THRAP3: variants seen among roughly 807,000 people sequenced by gnomAD.
The protein encoded by THRAP3 is thyroid hormone receptor associated protein 3.
THRAP3 carries 16 observed loss-of-function variants against 101.0 expected under a neutral mutation model. The ratio of observed to expected loss-of-function variants is 0.16; its 90% CI spans 0.11 to 0.24. THRAP3 has a LOEUF of 0.24. Among genes scored for constraint, THRAP3 ranks in the 10% least tolerant of loss-of-function variants. THRAP3 has a pLI of 1.00. For missense variants in THRAP3, 989 were observed against 1,202.7 expected, an observed-to-expected ratio of 0.82 and a Z score of 2.63; for synonymous variants, 407 against 422.6, an observed-to-expected ratio of 0.96 and a Z score of 0.45.
chr1:36,281,342 A>G (rs945710449), intron 2 of THRAP3, among the ~76,000 whole-genome samples: 3 of 152,192 alleles, frequency 2.0e-5, no homozygotes, highest in Non-Finnish European at 4.4e-5. Flanking sequence ...TCTCCTCATT[A>G]CTTTTATTAA....
chr1:36,247,093 C>T (rs554717557), intron 1 of THRAP3, among the ~76,000 whole-genome samples: 3 of 151,662 alleles, frequency 2.0e-5, no homozygotes, highest in South Asian at 2.1e-4. Context: ...CTGAGGCGGG[C>T]GGATCACGAG....
At chr1:36,292,252 G>GTTTATT in intron 6 of THRAP3, among the ~76,000 whole-genome samples, 1 of 57,534 alleles carries the variant, frequency 1.7e-5, no homozygotes, top group Non-Finnish European at 3.3e-5. Context: ...AACATAATGT[G>GTTTATT]TTTCTTTGTT....
the THRAP3 span, among the ~76,000 whole-genome samples, chr1:36,214,137 GTGCTTAGCCAAC>G: frequency 2.0e-5 from 3 of 152,186 alleles, no homozygotes; most frequent in African/African-American, 7.2e-5. Context: ...TGTCAATTCC[GTGCTTAGCCAAC>G]TGCTGGGTTC....
At chr1:36,303,371 CAT>C (rs1272075305) in intron 11 of THRAP3, among the ~76,000 whole-genome samples, 1 of 152,082 alleles carries the variant, frequency 6.6e-6, no homozygotes, top group Non-Finnish European at 1.5e-5. Context: ...TATACTAAAT[CAT>C]ATGGAGTTGC....
intron 2 of THRAP3, among the ~76,000 whole-genome samples, chr1:36,270,462 T>C (rs908907400): frequency 8.5e-5 from 13 of 152,118 alleles, no homozygotes; most frequent in African/African-American, 2.9e-4. Flanking sequence ...AGACAGGCCC[T>C]TTTAAACCTT....
At chr1:36,272,861 G>A (rs1205158865) in intron 2 of THRAP3, among the ~76,000 whole-genome samples, 1 of 152,214 alleles carries the variant, frequency 6.6e-6, no homozygotes, top group Non-Finnish European at 1.5e-5. Flanking sequence ...TTTGAATAAG[G>A]TGTAGAAGGG....
chr1:36,240,152 T>C (rs1186256803), intron 1 of THRAP3, among the ~76,000 whole-genome samples: 1 of 152,164 alleles, frequency 6.6e-6, no homozygotes, highest in African/African-American at 2.4e-5. Flanking sequence ...AAAGTGAGTT[T>C]ATTAGGAAGA....
At chr1:36,276,271 A>G (rs1021049333) in intron 2 of THRAP3, among the ~76,000 whole-genome samples, 1 of 151,960 alleles carries the variant, frequency 6.6e-6, no homozygotes, top group East Asian at 1.9e-4. Flanking sequence ...CACACCTGTA[A>G]TCCCAGCACT....
chr1:36,289,312 T>G lies in THRAP3; in HGVS notation c.1293T>G (p.Asp431Glu). 6.2e-7 allele frequency: 1 copy of G among 1,614,054 alleles called. No homozygotes were observed. The highest frequency in any genetic ancestry group is 8.5e-7 in the Non-Finnish European group (1 of 1,180,014). Reference protein sequence around the residue: ...KMADFHKEEMDDQDKDKAKGR... With the variant: ...KMADFHKEEMEDQDKDKAKGR... Reference sequence around the variant, plus strand: ...CTGACTTCCACAAGGAGGAGATGGATGATCAAGATAAGGACAAAGCTAAGG... The same window carrying G: ...CTGACTTCCACAAGGAGGAGATGGAGGATCAAGATAAGGACAAAGCTAAGG... Residue 431 changes from aspartate (D) to glutamate (E), a missense_variant, in exon 5 of 12, where the codon GAT (aspartate) becomes GAG (glutamate). Coordinates refer to ENST00000354618, the MANE Select transcript of THRAP3 (RefSeq NM_005119.4).
intron 10 of THRAP3, 149 bp from the exon 11 acceptor site, chr1:36,301,404 A>G (rs971202394): frequency 2.4e-5 from 26 of 1,067,598 alleles, no homozygotes; most frequent in Non-Finnish European, 2.9e-5. Flanking sequence ...ATGAGCAGAA[A>G]GGGAATGGCT....
At chr1:36,300,061 G>C (rs778447437) in intron 9 of THRAP3, among the ~76,000 whole-genome samples, 18 of 152,290 alleles carry the variant, frequency 1.2e-4, no homozygotes, top group African/African-American at 3.9e-4. Context: ...CTGCCCCCTA[G>C]AGGTATTCAG....
chr1:36,249,053 A>G (rs1645265859), intron 1 of THRAP3, among the ~76,000 whole-genome samples: 1 of 151,388 alleles, frequency 6.6e-6, no homozygotes, highest in South Asian at 2.1e-4. Context: ...ACATCTGGCT[A>G]GTTTTTGTAT....
chr1:36,292,845 C>A (rs1461161977), intron 7 of THRAP3, 136 bp downstream of exon 7: 1 of 622,106 alleles, frequency 1.6e-6, no homozygotes, highest in Non-Finnish European at 2.8e-6. Flanking sequence ...TCTAAGAGAG[C>A]TATAGGCATT....
At chr1:36,261,376 C>A (rs1002510784) in intron 2 of THRAP3, among the ~76,000 whole-genome samples, 2 of 151,902 alleles carry the variant, frequency 1.3e-5, no homozygotes, top group East Asian at 1.9e-4. Context: ...ACTAAAAATA[C>A]AAAAAAACTA....
At position 36,304,339 on chromosome 1, in the gene THRAP3, A is replaced by G. The variant is rs1484351119; in HGVS notation, c.*322A>G. 7.6e-6 allele frequency: 2 copies of G among 263,476 alleles called. No homozygotes were observed. The highest frequency in any genetic ancestry group is 1.4e-5 in the Non-Finnish European group (2 of 138,456). 16.3% of individuals were successfully genotyped at this position (263,476 alleles called of 1,614,324 possible). Reference sequence around the variant, plus strand: ...AGCGATGCTTGGATTTTTGTTTCCTATTAGAAACCAACAGTTTTGTTCTAA... The same window carrying G: ...AGCGATGCTTGGATTTTTGTTTCCTGTTAGAAACCAACAGTTTTGTTCTAA... On this transcript the variant is annotated 3_prime_UTR_variant, in exon 12 of 12. Transcript: ENST00000354618.
chr1:36,302,222 C>T (rs1426707717), intron 11 of THRAP3, among the ~76,000 whole-genome samples: 1 of 152,178 alleles, frequency 6.6e-6, no homozygotes, highest in Non-Finnish European at 1.5e-5. Flanking sequence ...AAGTACCTGG[C>T]CTTGAGTGAG....
At position 36,293,028 on chromosome 1, in the gene THRAP3, CTTTTTTTT is replaced by C. The variant is rs71053920; in HGVS notation, c.2030+330_2030+337del. Among the ~76,000 whole-genome samples, 3 of 82,798 alleles carry C rather than the reference CTTTTTTTT, an allele frequency of 3.6e-5. No individual in the cohort carries two copies. In the Admixed American group the frequency reaches 5.8e-4, roughly 16 times the overall value. 54.3% of individuals were successfully genotyped at this position (82,798 alleles called of 152,430 possible). A position where few individuals can be genotyped will look rare whatever the true frequency, so the allele number is the denominator to read the frequency against. On this transcript the variant is annotated intron_variant, in intron 7 of 11. Transcript: ENST00000354618. ...AGTAAATGCTAGTTTCTTTTCTTGT[CTTTTTTTT>C]TTTTTTTTTTGAGATGGAGTGTTGC...
intron 1 of THRAP3, among the ~76,000 whole-genome samples, chr1:36,238,396 G>A (rs1278828030): frequency 5.3e-5 from 8 of 152,150 alleles, no homozygotes; most frequent in Admixed American, 2.0e-4. Context: ...GAAATATGTG[G>A]TATGAAAAAT....
intron 1 of THRAP3, chr1:36,241,837 C>T (rs1343586029): frequency 1.3e-5 from 2 of 152,332 alleles, no homozygotes; most frequent in African/African-American, 4.8e-5. Flanking sequence ...CCTCGGCCTC[C>T]CAAAGTGTTG....
Sources: allele counts gnomAD v4.1 joint callset (sites outside exome capture counted in the v4.1 genomes callset), GRCh38; gene constraint gnomAD v4.1.1; transcripts MANE v1.5; gene names NCBI Gene and HGNC (gene_info 2026-07-23, HGNC 2026-07-21).